The following TLE3 variants were observed in gnomAD, a reference collection of about 807,000 sequenced individuals.
The protein encoded by TLE3 is transducin-like enhancer protein 3.
A neutral mutation model predicts 93.0 loss-of-function variants in TLE3; 14 were observed. The observed-to-expected ratio is 0.15, with a 90% CI of 0.10 to 0.24. The LOEUF (loss-of-function observed/expected upper bound fraction) is 0.24. Ranked by LOEUF, TLE3 falls within the 10% of genes least tolerant of loss-of-function variation. The pLI is 1.00. For synonymous variants in TLE3, 451 were observed against 425.0 expected, an observed-to-expected ratio of 1.06 and a Z score of -0.75; for missense variants, 693 against 1,046.6, an observed-to-expected ratio of 0.66 and a Z score of 4.66.
chr15:70,050,136 A>G lies in TLE3; in HGVS notation c.2271T>C (p.Ser757=). The G allele has an allele frequency of 3.7e-6, 6 of 1,614,186 alleles. No individual in the cohort carries two copies. Among genetic ancestry groups the G allele is most frequent in the South Asian group, 1.1e-5 (1 of 91,086 alleles). The change falls in exon 20 of 20, where the codon TCT becomes TCC. Residue 757 remains serine, a synonymous_variant. Transcript: ENST00000451782. Reference sequence around the variant, plus strand: ...CATAAACTGTGGCCTTCTTGTCACCAGAGCCTGTTACAATGTATTTGTCAT... The same window carrying G: ...CATAAACTGTGGCCTTCTTGTCACCGGAGCCTGTTACAATGTATTTGTCAT... ...SADDKYIVTG[S]GDKKATVYEV...
chr15:70,057,402 C>T, intron 13 of TLE3, 57 bp downstream of exon 13: 2 of 1,523,938 alleles, frequency 1.3e-6, no homozygotes, highest in South Asian at 1.3e-5. Flanking sequence ...CCCGTCCAAC[C>T]ACTGGCTCCC....
At position 70,051,451 on chromosome 15, in the gene TLE3, G is replaced by A. The variant is rs767648509; in HGVS notation, c.2142C>T (p.Ser714=). The stretch of plus-strand genomic sequence containing the variant: ...CGTTGAGAAGGTTATCTTTCCCAGT[G>A]CTCACGAACCACTTGCCTGCAGGTG... ...KFAYCGKWFV[S]TGKDNLLNAW... The change falls in exon 19 of 20, where the codon AGC becomes AGT. Residue 714 remains serine (S), a synonymous_variant. Coordinates refer to ENST00000451782, the MANE Select transcript of TLE3 (RefSeq NM_001105192.3). 5.0e-6 allele frequency: 8 copies of A among 1,609,086 alleles called. No individual in the cohort carries two copies. The Admixed American group carries it at 6.7e-5, about 14-fold the overall frequency.
chr15:70,077,378 G>A (rs1448213087), intron 4 of TLE3, among the ~76,000 whole-genome samples: 1 of 152,192 alleles, frequency 6.6e-6, no homozygotes, highest in Non-Finnish European at 1.5e-5. Context: ...TCAGCACATA[G>A]CAATCTTTCA....
chr15:70,060,729 G>A (rs2056416016), intron 8 of TLE3, 80 bp from the exon 9 acceptor site: 2 of 1,584,232 alleles, frequency 1.3e-6, no homozygotes, highest in Non-Finnish European at 1.7e-6. Flanking sequence ...GCTAAGTGCA[G>A]GTGACACGGA....
Position 70,095,581 on chromosome 15 carries a change from C to T in TLE3, c.186G>A (p.Val62=), listed in dbSNP as rs1185093360. 2 of 1,551,328 alleles carry T rather than the reference C, an allele frequency of 1.3e-6. No homozygotes were observed. Among genetic ancestry groups the T allele is most frequent in the Non-Finnish European group, 1.7e-6 (2 of 1,146,788 alleles). ...CAGGCCCGCGGCCGCATCTCACCAT[C>T]ACATAATGGCGCTGCATCTCCGTCT... is the stretch of plus-strand genomic sequence containing the variant. ...NEKTEMQRHY[V]MYYEMSYGLN... Residue 62 remains valine, a synonymous_variant, in exon 3 of 20, where the codon GTG becomes GTA. Transcript: ENST00000451782.
chr15:70,079,628 T>C (rs1033252741), intron 4 of TLE3, among the ~76,000 whole-genome samples: 3 of 151,428 alleles, frequency 2.0e-5, no homozygotes, highest in Non-Finnish European at 2.9e-5. Flanking sequence ...CTCTGCAGAG[T>C]CAAAGCATGA....
In TLE3 at chr15:70,097,863, G is replaced by A. The variant is rs1596057789; in HGVS notation, c.-1065C>T. The A allele has an allele frequency of 3.0e-6, 1 of 327,894 alleles. No individual in the cohort carries two copies. Among genetic ancestry groups the A allele is most frequent in the Non-Finnish European group, 5.5e-6 (1 of 181,584 alleles). The allele number at this position is 327,894 out of a possible 1,614,324, so 20.3% of individuals were successfully genotyped here. A position where few individuals can be genotyped will look rare whatever the true frequency, so the allele number is the denominator to read the frequency against. The stretch of plus-strand genomic sequence containing the variant: ...CTACGGATACCACACACAGACAGGC[G>A]AAGGGGACGAGCACGAGGTCTGAAC... On this transcript the variant is annotated 5_prime_UTR_variant, in exon 1 of 20. Coordinates refer to ENST00000451782, the MANE Select transcript of TLE3 (RefSeq NM_001105192.3).
intron 8 of TLE3, among the ~76,000 whole-genome samples, chr15:70,063,124 G>A (rs561562068): frequency 6.6e-5 from 10 of 152,300 alleles, no homozygotes; most frequent in African/African-American, 2.2e-4. Flanking sequence ...AGGGTCTTCC[G>A]AAACAAAGCT....
chr15:70,055,573 AC>A, intron 14 of TLE3: 1 of 351,620 alleles, frequency 2.8e-6, no homozygotes, highest in Non-Finnish European at 5.1e-6. Flanking sequence ...GCCCTTTCCC[AC>A]GATCCATACA....
chr15:70,052,444 G>A lies in TLE3; in HGVS notation c.2055C>T (p.His685=), dbSNP rs1467535125. The A allele has an allele frequency of 1.2e-6, 2 of 1,614,032 alleles. No homozygotes were observed. Among genetic ancestry groups the A allele is most frequent in the Admixed American group, 3.3e-5 (2 of 60,032 alleles). The change falls in exon 18 of 20, where the codon CAC becomes CAT. Residue 685 remains histidine, a synonymous_variant. Coordinates refer to ENST00000451782, the MANE Select transcript of TLE3 (RefSeq NM_001105192.3). ...GCAGCTGGTACTTGTCAGGCTTGGT[G>A]TGGTGCAGCACCTCCACGTTGCTGC... ...MESSNVEVLH[H]TKPDKYQLHL...
chr15:70,061,718 C>G (rs2056486200), intron 8 of TLE3, among the ~76,000 whole-genome samples: 1 of 152,180 alleles, frequency 6.6e-6, no homozygotes, highest in Non-Finnish European at 1.5e-5. Context: ...ACCCACCCAC[C>G]AATTTCCGAG....
Position 70,054,578 on chromosome 15 carries a change from C to T in TLE3, c.1686G>A (p.Thr562=), listed in dbSNP as rs375661892. 6.8e-6 allele frequency: 11 copies of T among 1,613,648 alleles called. No homozygotes were observed. In the African/African-American group the frequency reaches 9.3e-5, roughly 14 times the overall value. ...ACGTCAGCTCGGCCTTGATGCGGGG[C>T]GTGGGCGAGGCCAGGTCCCAGATGG... ...TLTIWDLASP[T]PRIKAELTSS... Residue 562 remains threonine, a synonymous_variant, in exon 16 of 20, where the codon ACG becomes ACA. Coordinates refer to ENST00000451782, the MANE Select transcript of TLE3 (RefSeq NM_001105192.3).
At chr15:70,076,188 C>A (rs1567029497) in intron 4 of TLE3, 30 bp from the exon 5 acceptor site, 3 of 1,610,260 alleles carry the variant, frequency 1.9e-6, no homozygotes, top group East Asian at 2.2e-5. Context: ...ACATGAAGCT[C>A]AGGCAAATAA....
chr15:70,088,965 T>G (rs901620767), intron 4 of TLE3, among the ~76,000 whole-genome samples: 2 of 140,036 alleles, frequency 1.4e-5, no homozygotes, highest in African/African-American at 2.6e-5. Flanking sequence ...AGCCACCGGG[T>G]GGGGAGCCGC....
At chr15:70,096,073 C>T in intron 2 of TLE3, 88 bp downstream of exon 2, 2 of 1,430,590 alleles carry the variant, frequency 1.4e-6, no homozygotes, top group African/African-American at 1.4e-5. Flanking sequence ...AGGTCGGGAG[C>T]CCCCTCCGTC....
At chr15:70,055,933 C>A (rs565971459) in intron 14 of TLE3, 139 of 379,172 alleles carry the variant, frequency 3.7e-4, no homozygotes, top group African/African-American at 2.7e-3. Context: ...GAAGGGCCTG[C>A]GACCAGCGGC....
At chr15:70,088,265 G>T (rs2058123664) in intron 4 of TLE3, among the ~76,000 whole-genome samples, 1 of 152,192 alleles carries the variant, frequency 6.6e-6, no homozygotes, top group South Asian at 2.1e-4. Context: ...GTAGGGCAAG[G>T]CTGACCCACA....
At position 70,058,422 on chromosome 15, in the gene TLE3, T is replaced by C; in HGVS notation, c.919-131A>G. 6.9e-7 allele frequency: 1 copy of C among 1,449,998 alleles called. No individual in the cohort carries two copies. The highest frequency in any genetic ancestry group is 9.3e-7 in the Non-Finnish European group (1 of 1,076,356). The allele number at this position is 1,449,998 out of a possible 1,614,324, so 89.8% of individuals were successfully genotyped here. A position where few individuals can be genotyped will look rare whatever the true frequency, so the allele number is the denominator to read the frequency against. On this transcript the variant is annotated intron_variant, in intron 11 of 19. Coordinates refer to ENST00000451782, the MANE Select transcript of TLE3 (RefSeq NM_001105192.3). This position sits in a 1 kb window ranked among gnomAD's most constrained non-coding sequence, Gnocchi z 4.1. ...TATGAAGCTTCTGCCGAACAGCCTCTCAATCCTTGCCCAACCTTGTTTGGC... is the reference window on the plus strand; with the variant it reads ...TATGAAGCTTCTGCCGAACAGCCTCCCAATCCTTGCCCAACCTTGTTTGGC...
chr15:70,066,433 T>G (rs1567012762), intron 6 of TLE3, among the ~76,000 whole-genome samples: 1 of 152,006 alleles, frequency 6.6e-6, no homozygotes, highest in Non-Finnish European at 1.5e-5. Context: ...ATGTAAAGAT[T>G]TATGTCTTCA....
Sources: allele counts gnomAD v4.1 joint callset (sites outside exome capture counted in the v4.1 genomes callset), GRCh38; gene constraint gnomAD v4.1.1; non-coding constraint Gnocchi (gnomAD v3.1); transcripts MANE v1.5; gene names NCBI Gene and HGNC (gene_info 2026-07-23, HGNC 2026-07-21).